Variants in SF3A2 observed in about 807,000 individuals in gnomAD.
The protein encoded by SF3A2 is SAP 62.
In SF3A2, 5 loss-of-function variants were observed where a neutral mutation model predicts 31.1. The ratio of observed to expected loss-of-function variants is 0.16; its 90% CI spans 0.08 to 0.34. SF3A2 has a LOEUF of 0.34. Ranked by LOEUF, SF3A2 falls within the 10% of genes least tolerant of loss-of-function variation. SF3A2 has a pLI of 1.00. For synonymous variants in SF3A2, 365 were observed against 263.7 expected (o/e 1.38, Z -3.72); for missense variants, 577 against 643.9 (o/e 0.90, Z 1.13).
rs751901586 is a variant in SF3A2, at chr19:2,247,868, C to T, written c.717C>T (p.Asn239=). 4.4e-5 allele frequency: 69 copies of T among 1,558,276 alleles called. No homozygotes were observed. In the East Asian group the frequency reaches 1.5e-3, roughly 33 times the overall value. ...AGCGGCCTCCACCCCCGCTGATGAACGGTCTGCCCCCTCGGCCACCGCTGC... is the reference window on the plus strand; with the variant it reads ...AGCGGCCTCCACCCCCGCTGATGAATGGTCTGCCCCCTCGGCCACCGCTGC... ...GVKRPPPPLM[N]GLPPRPPLPE... The change falls in exon 9 of 9, where the codon AAC becomes AAT. Residue 239 remains asparagine, a synonymous_variant. Transcript: ENST00000221494.
chr19:2,239,551 C>A (rs182697100), intron 1 of SF3A2, among the ~76,000 whole-genome samples: 3 of 152,154 alleles, frequency 2.0e-5, no homozygotes, highest in African/African-American at 7.2e-5. Context: ...CCTCATTTAC[C>A]GGGGATCTTT....
chr19:2,240,053 C>T lies in SF3A2; in HGVS notation c.-38+3152C>T, dbSNP rs573815679. On this transcript the variant is annotated intron_variant, in intron 1 of 8. Coordinates refer to ENST00000221494, the MANE Select transcript of SF3A2 (RefSeq NM_007165.5). ...GCTCTGTGTGAGCGCCACTTCTCAT[C>T]CAGGGAGGTCAACTGCCCAGTGGCC... 2.0e-5 allele frequency among the ~76,000 whole-genome samples: 3 copies of T among 152,342 alleles called. No individual in the cohort carries two copies. In the East Asian group the frequency reaches 5.8e-4, roughly 29 times the overall value.
chr19:2,245,632 G>T lies in SF3A2; in HGVS notation c.355+77G>T. The T allele has an allele frequency of 1.9e-6, 2 of 1,080,034 alleles. No individual in the cohort carries two copies. The highest frequency in any genetic ancestry group is 2.8e-6 in the Non-Finnish European group (2 of 719,420). The allele number at this position is 1,080,034 out of a possible 1,614,324, so 66.9% of individuals were successfully genotyped here. A position where few individuals can be genotyped will look rare whatever the true frequency, so the allele number is the denominator to read the frequency against. On this transcript the variant is annotated intron_variant, in intron 5 of 8. Transcript: ENST00000221494. The surrounding 1 kb of genome is among the most constrained non-coding windows in gnomAD (Gnocchi z 4.2). ...TGTTCTTTAGTCTCCAGTGCGGGAG[G>T]TGCAGCCCTGATAGCCTCCTCCCTG...
intron 1 of SF3A2, among the ~76,000 whole-genome samples, chr19:2,240,899 C>G (rs1428275794): frequency 2.0e-5 from 3 of 152,260 alleles, no homozygotes; most frequent in African/African-American, 7.2e-5. Flanking sequence ...AGGAGCAAAG[C>G]GCAGGTCGCT....
At position 2,248,161 on chromosome 19, in the gene SF3A2, A is replaced by T; in HGVS notation, c.1010A>T (p.His337Leu). ...SGVHPPAPGV[H>L]PPAPGVHPPA... is the part of the protein sequence containing the mutation. ...GTCCACCCCCCAGCTCCTGGAGTCC[A>T]CCCTCCAGCCCCCGGGGTTCACCCA... is the stretch of plus-strand genomic sequence containing the variant. Residue 337 changes from histidine (H) to leucine (L), a missense_variant, in exon 9 of 9, where the codon CAC (histidine) becomes CTC (leucine). Transcript: ENST00000221494. 13 of 1,432,094 alleles carry T rather than the reference A, an allele frequency of 9.1e-6. No individual in the cohort carries two copies. The highest frequency in any genetic ancestry group is 1.6e-5 in the African/African-American group (1 of 62,002). The allele number at this position is 1,432,094 out of a possible 1,614,324, so 88.7% of individuals were successfully genotyped here.
chr19:2,247,514 C>CTA, intron 7 of SF3A2, 80 bp from the exon 8 acceptor site: 1 of 1,444,890 alleles, frequency 6.9e-7, no homozygotes. Flanking sequence ...GCTGGGGAGG[C>CTA]TAGTGCCTCG....
At chr19:2,241,756 C>T (rs529974473) in intron 1 of SF3A2, among the ~76,000 whole-genome samples, 1 of 152,306 alleles carries the variant, frequency 6.6e-6, no homozygotes, top group Admixed American at 6.5e-5. Context: ...CTTCTGGTGT[C>T]ACAGTCTCCT....
chr19:2,248,211 G>GC lies in SF3A2; in HGVS notation c.1064dup (p.Gly356TrpfsTer?). 7.7e-7 allele frequency: 1 copy of GC among 1,295,546 alleles called. No homozygotes were observed. The highest frequency in any genetic ancestry group is 1.0e-6 in the Non-Finnish European group (1 of 995,394). 80.3% of individuals were successfully genotyped at this position (1,295,546 alleles called of 1,614,324 possible). A position where few individuals can be genotyped will look rare whatever the true frequency, so the allele number is the denominator to read the frequency against. On this transcript the variant is annotated frameshift_variant, in exon 9 of 9. Transcript: ENST00000221494. LOFTEE classifies it low-confidence loss of function (END_TRUNC). ...ACCAGCCCCCGGAGTCCACCCACCA[G>GC]CCCCTGGGGTTCACCCACCAGCCCC... is the stretch of plus-strand genomic sequence containing the variant.
Position 2,243,651 on chromosome 19 carries a change from T to C in SF3A2, c.126+107T>C, listed in dbSNP as rs1036613112. ...TTGGGCCTCCGCCCAGGCTGGGCGA[T>C]GCAGCCCCGTGTCCAGACGCTCCCC... On this transcript the variant is annotated intron_variant, in intron 2 of 8. Coordinates refer to ENST00000221494, the MANE Select transcript of SF3A2 (RefSeq NM_007165.5). The C allele has an allele frequency of 1.1e-5, 14 of 1,277,906 alleles. No individual in the cohort carries two copies. In the African/African-American group the frequency reaches 1.4e-4, roughly 13 times the overall value. The allele number at this position is 1,277,906 out of a possible 1,614,324, so 79.2% of individuals were successfully genotyped here. A position where few individuals can be genotyped will look rare whatever the true frequency, so the allele number is the denominator to read the frequency against.
Position 2,244,020 on chromosome 19 carries a change from G to A in SF3A2, c.126+476G>A, listed in dbSNP as rs1011434437. On this transcript the variant is annotated intron_variant, in intron 2 of 8. Transcript: ENST00000221494. ...TCCAGATGAGGTCATGGGTAGAGGG[G>A]GTGCCACAGCCGCAGATGGTGGAGT... Among the ~76,000 whole-genome samples the A allele has an allele frequency of 1.3e-5, 2 of 152,230 alleles. 1 individual carries two copies. Among genetic ancestry groups the A allele is most frequent in the South Asian group, 4.1e-4 (2 of 4,838 alleles).
Position 2,248,156 on chromosome 19 carries a change from A to AGTCCACCCTCCAGCCCCCGGC in SF3A2, c.1025_1026insCGTCCACCCTCCAGCCCCCGG (p.Ala361_Pro367dup). 7.4e-7 allele frequency: 1 copy of AGTCCACCCTCCAGCCCCCGGC among 1,359,062 alleles called. No individual in the cohort carries two copies. Among genetic ancestry groups the AGTCCACCCTCCAGCCCCCGGC allele is most frequent in the Non-Finnish European group, 9.9e-7 (1 of 1,014,136 alleles). 84.2% of individuals were successfully genotyped at this position (1,359,062 alleles called of 1,614,324 possible). ...CTGGGGTCCACCCCCCAGCTCCTGG[A>AGTCCACCCTCCAGCCCCCGGC]GTCCACCCTCCAGCCCCCGGGGTTC... is the stretch of plus-strand genomic sequence containing the variant. On this transcript the variant is annotated inframe_insertion, in exon 9 of 9. Transcript: ENST00000221494.
In SF3A2 at chr19:2,246,144, G is replaced by A. The variant is rs546763785; in HGVS notation, c.355+589G>A. On this transcript the variant is annotated intron_variant, in intron 5 of 8. Transcript: ENST00000221494. This position sits in a 1 kb window ranked among gnomAD's most constrained non-coding sequence, Gnocchi z 5.5. The stretch of plus-strand genomic sequence containing the variant: ...CAGAAGCCTGCAGGGCAGAGGTCCC[G>A]GGGCAGGTGCACCGGGTGGGCGAGG... 4.6e-5 allele frequency among the ~76,000 whole-genome samples: 7 copies of A among 152,322 alleles called. No homozygotes were observed. The highest frequency in any genetic ancestry group is 9.6e-5 in the African/African-American group (4 of 41,562).
intron 2 of SF3A2, 24 bp from the exon 3 acceptor site, chr19:2,244,520 C>T (rs202240196): frequency 4.6e-5 from 73 of 1,602,142 alleles, no homozygotes; most frequent in South Asian, 2.2e-4. Flanking sequence ...TTCTGTCTAA[C>T]GGGCCCCTGT....
chr19:2,245,562 CT>C lies in SF3A2; in HGVS notation c.355+8del. On this transcript the variant is annotated splice_region_variant and intron_variant, in intron 5 of 8. Coordinates refer to ENST00000221494, the MANE Select transcript of SF3A2 (RefSeq NM_007165.5). The surrounding 1 kb of genome is among the most constrained non-coding windows in gnomAD (Gnocchi z 4.2). The stretch of plus-strand genomic sequence containing the variant: ...GGCCGCCCGGGCTACAAAGGTGAGT[CT>C]GCCCGCAGCGGGGCCGGCCACAGCC... The C allele has an allele frequency of 1.9e-6, 3 of 1,542,636 alleles. No homozygotes were observed. Among genetic ancestry groups the C allele is most frequent in the Non-Finnish European group, 2.6e-6 (3 of 1,139,622 alleles).
In SF3A2 at chr19:2,236,853, G is replaced by C. The variant is rs1251703067; in HGVS notation, c.-86G>C. On this transcript the variant is annotated 5_prime_UTR_variant, in exon 1 of 9. Transcript: ENST00000221494. Reference sequence around the variant, plus strand: ...CTTTGCCCGCCGTTCGCCAAACGAAGTCGTGGAGGTGGCGAAACGAGGAGG... The same window carrying C: ...CTTTGCCCGCCGTTCGCCAAACGAACTCGTGGAGGTGGCGAAACGAGGAGG... 6.6e-6 allele frequency: 1 copy of C among 152,360 alleles called. No homozygotes were observed. The highest frequency in any genetic ancestry group is 1.5e-5 in the Non-Finnish European group (1 of 68,094). The allele number at this position is 152,360 out of a possible 1,614,324, so 9.4% of individuals were successfully genotyped here.
intron 1 of SF3A2, among the ~76,000 whole-genome samples, chr19:2,238,985 TG>T (rs2024865241): frequency 6.6e-6 from 1 of 151,522 alleles, no homozygotes; most frequent in African/African-American, 2.4e-5. Flanking sequence ...TTTCGGGGGG[TG>T]GGGGAAGTCC....
At chr19:2,241,148 C>T (rs1247469947) in intron 1 of SF3A2, among the ~76,000 whole-genome samples, 1 of 152,170 alleles carries the variant, frequency 6.6e-6, no homozygotes, top group Non-Finnish European at 1.5e-5. Context: ...TGTTGAATTC[C>T]TTCATGACGA....
chr19:2,239,086 C>T lies in SF3A2; in HGVS notation c.-38+2185C>T, dbSNP rs185601313. Among the ~76,000 whole-genome samples, 286 of 152,230 alleles carry T rather than the reference C, an allele frequency of 1.9e-3. 3 individuals carry two copies. The highest frequency in any genetic ancestry group is 6.0e-3 in the African/African-American group (250 of 41,538). On this transcript the variant is annotated intron_variant, in intron 1 of 8. Coordinates refer to ENST00000221494, the MANE Select transcript of SF3A2 (RefSeq NM_007165.5). ...AGATTGAAAATCTGTATTTGTAGGC[C>T]GGGCGTGGTGGCTCACGCCTGTAAT... is the stretch of plus-strand genomic sequence containing the variant.
At chr19:2,247,344 G>T in intron 7 of SF3A2, 1 of 579,162 alleles carries the variant, frequency 1.7e-6, no homozygotes, top group East Asian at 2.9e-5. Flanking sequence ...TGCCTGGACA[G>T]GGCGGCCATC....
Sources: allele counts gnomAD v4.1 joint callset (sites outside exome capture counted in the v4.1 genomes callset), GRCh38; gene constraint gnomAD v4.1.1; non-coding constraint Gnocchi (gnomAD v3.1); transcripts MANE v1.5; gene names NCBI Gene and HGNC (gene_info 2026-07-23, HGNC 2026-07-21).